Variants in RANBP2 observed in about 807,000 individuals in gnomAD.
RANBP2 encodes RAN binding protein 2, also known as E3 SUMO-protein ligase RanBP2.
In RANBP2, 57 loss-of-function variants were observed where a neutral mutation model predicts 303.6. The ratio of observed to expected loss-of-function variants is 0.19; its 90% CI spans 0.15 to 0.23. The LOEUF (loss-of-function observed/expected upper bound fraction) is 0.23. RANBP2 is among the 10% of genes least tolerant of loss of function. The probability of loss-of-function intolerance (pLI) is 1.00; values close to 1 mark genes in which losing one functional copy is unlikely to be tolerated. For synonymous variants in RANBP2, 1,167 were observed against 1,301.5 expected (o/e 0.90, Z 2.23); for missense variants, 3,138 against 3,780.8 (o/e 0.83, Z 4.46).
At chr2:109,068,588 T>C in the RANBP2 span, among the ~76,000 whole-genome samples, 1 of 152,222 alleles carries the variant, frequency 6.6e-6, no homozygotes, top group Non-Finnish European at 1.5e-5. Context: ...GGGTTTGTAT[T>C]GTTTCTGTGC....
At chr2:109,093,406 TAAAAAAAAAAAAAA>T in the RANBP2 span, among the ~76,000 whole-genome samples, 1 of 90,724 alleles carries the variant, frequency 1.1e-5, no homozygotes, top group Non-Finnish European at 2.2e-5. Context: ...CGGAGATTTG[TAAAAAAAAAAAAAA>T]AAAAAGAAAG....
chr2:108,744,730 G>T (rs1283509407), intron 7 of RANBP2, among the ~76,000 whole-genome samples: 8 of 152,136 alleles, frequency 5.3e-5, no homozygotes, highest in Non-Finnish European at 1.0e-4. Context: ...GAACATGTTT[G>T]GAAAGAATTA....
the RANBP2 span, chr2:109,614,322 C>A: frequency 1.6e-6 from 1 of 634,738 alleles, no homozygotes; most frequent in East Asian, 4.1e-5. Context: ...CGTGTCCGCC[C>A]GGGCGCGGCC....
At chr2:109,672,361 A>G in the RANBP2 span, among the ~76,000 whole-genome samples, 1 of 152,246 alleles carries the variant, frequency 6.6e-6, no homozygotes, top group Non-Finnish European at 1.5e-5. Context: ...TGAGTGAACC[A>G]TATACCCTTC....
the RANBP2 span, among the ~76,000 whole-genome samples, chr2:109,640,563 C>T: frequency 1.3e-5 from 2 of 152,146 alleles, no homozygotes; most frequent in African/African-American, 4.8e-5. Flanking sequence ...TTCAGGGTCC[C>T]TTTTCTGGAC....
At chr2:109,034,498 G>T in the RANBP2 span, among the ~76,000 whole-genome samples, 1 of 152,128 alleles carries the variant, frequency 6.6e-6, no homozygotes, top group Non-Finnish European at 1.5e-5. Flanking sequence ...GGCAAGAGAG[G>T]CGAAGAAGAA....
At chr2:108,721,251 C>A (rs534338108) in intron 1 of RANBP2, among the ~76,000 whole-genome samples, 1 of 152,188 alleles carries the variant, frequency 6.6e-6, no homozygotes, top group African/African-American at 2.4e-5. Flanking sequence ...GGCAGTGGGT[C>A]TGATTTAGTT....
the RANBP2 span, among the ~76,000 whole-genome samples, chr2:109,312,100 G>A: frequency 3.9e-5 from 6 of 152,156 alleles, no homozygotes; most frequent in African/African-American, 1.4e-4. Flanking sequence ...GTTTCCTTTA[G>A]CATTGTTAGT....
chr2:109,764,469 T>C, the RANBP2 span, among the ~76,000 whole-genome samples: 1 of 149,216 alleles, frequency 6.7e-6, no homozygotes, highest in African/African-American at 2.5e-5. Context: ...TTATTGATCA[T>C]CTCTTAAGTA....
chr2:109,434,615 T>G, the RANBP2 span, among the ~76,000 whole-genome samples: 1 of 152,144 alleles, frequency 6.6e-6, no homozygotes, highest in South Asian at 2.1e-4. Context: ...AAGAGCTGGG[T>G]CCTAAGTCCA....
the RANBP2 span, among the ~76,000 whole-genome samples, chr2:108,992,032 TC>T: frequency 6.8e-4 from 103 of 152,290 alleles, no homozygotes; most frequent in Admixed American, 1.6e-3. Context: ...ACTCCTGACT[TC>T]AAGTGATCCT....
At chr2:109,093,956 C>A in the RANBP2 span, among the ~76,000 whole-genome samples, 1 of 152,232 alleles carries the variant, frequency 6.6e-6, no homozygotes, top group Non-Finnish European at 1.5e-5. Flanking sequence ...CTCTCAAAAT[C>A]TAAGGCTCTG....
the RANBP2 span, among the ~76,000 whole-genome samples, chr2:109,499,549 C>T: frequency 6.6e-6 from 1 of 152,150 alleles, no homozygotes; most frequent in Non-Finnish European, 1.5e-5. Flanking sequence ...GTGGAGTTTC[C>T]CCAGGGCAGA....
the RANBP2 span, among the ~76,000 whole-genome samples, chr2:109,755,195 TG>T: frequency 1.7e-5 from 2 of 117,332 alleles, no homozygotes. Flanking sequence ...AGGCACACCT[TG>T]GTGGGGGGGG....
the RANBP2 span, among the ~76,000 whole-genome samples, chr2:109,080,439 G>T: frequency 6.6e-6 from 1 of 152,200 alleles, no homozygotes; most frequent in South Asian, 2.1e-4. Context: ...GTTGATGCCT[G>T]TTCCGAGACC....
the RANBP2 span, among the ~76,000 whole-genome samples, chr2:109,486,098 C>T: frequency 6.6e-6 from 1 of 152,202 alleles, no homozygotes; most frequent in Non-Finnish European, 1.5e-5. Flanking sequence ...GTTAGTAACC[C>T]TCAATAACCT....
At chr2:109,290,716 G>A in the RANBP2 span, among the ~76,000 whole-genome samples, 1 of 152,226 alleles carries the variant, frequency 6.6e-6, no homozygotes, top group Non-Finnish European at 1.5e-5. Context: ...CACCTGCCCA[G>A]CTGCACTCAA....
intron 1 of RANBP2, chr2:108,719,985 C>G: frequency 1.0e-6 from 1 of 985,222 alleles, no homozygotes; most frequent in East Asian, 1.1e-4. Flanking sequence ...GATCGCGCAC[C>G]CCGTAGTACC....
chr2:109,167,873 G>C, the RANBP2 span, among the ~76,000 whole-genome samples: 16 of 152,154 alleles, frequency 1.1e-4, no homozygotes, highest in Non-Finnish European at 1.9e-4. Flanking sequence ...ACCCAGCCTA[G>C]TGTCTGAATT....
Sources: gnomAD v4.1 joint callset for allele counts (sites outside exome capture counted in the v4.1 genomes callset) on GRCh38, gnomAD v4.1.1 for gene constraint, MANE v1.5 for transcripts, NCBI Gene and HGNC (gene_info 2026-07-23, HGNC 2026-07-21) for gene names.